The following TRPC4 variants were observed in gnomAD, a reference collection of about 807,000 sequenced individuals.
The protein encoded by TRPC4 is short transient receptor potential channel 4.
In TRPC4, 49 loss-of-function variants were observed where a neutral mutation model predicts 99.4. The observed-to-expected ratio is 0.49, with a 90% CI of 0.39 to 0.63. The LOEUF (loss-of-function observed/expected upper bound fraction) is 0.63, where lower values mean the gene tolerates loss of function less well. Ranked by LOEUF, TRPC4 falls within the 20% of genes least tolerant of loss-of-function variation. The pLI is 0.00. For missense variants in TRPC4, 898 were observed against 1,152.9 expected (o/e 0.78, Z 3.20); for synonymous variants, 454 against 425.9 (o/e 1.07, Z -0.81).
At chr13:37,852,617 A>C (rs1184103339) in intron 1 of TRPC4, among the ~76,000 whole-genome samples, 1 of 152,194 alleles carries the variant, frequency 6.6e-6, no homozygotes, top group Non-Finnish European at 1.5e-5. Context: ...CTTGCACCTT[A>C]GGTACCAGCT....
chr13:37,859,727 A>C (rs1959214072), intron 1 of TRPC4, among the ~76,000 whole-genome samples: 1 of 151,488 alleles, frequency 6.6e-6, no homozygotes, highest in African/African-American at 2.4e-5. Flanking sequence ...TGAAATGTGT[A>C]CTAAAGAGAA....
At chr13:37,807,602 C>A (rs1361887682) in intron 1 of TRPC4, among the ~76,000 whole-genome samples, 1 of 151,978 alleles carries the variant, frequency 6.6e-6, no homozygotes, top group Non-Finnish European at 1.5e-5. Context: ...GTTCCTCTGT[C>A]ACCTCCACCT....
At chr13:37,707,645 A>G (rs1454617918) in intron 3 of TRPC4, among the ~76,000 whole-genome samples, 2 of 152,102 alleles carry the variant, frequency 1.3e-5, no homozygotes, top group Admixed American at 6.6e-5. Context: ...TACCACCACC[A>G]TAACTACTGC....
intron 2 of TRPC4, among the ~76,000 whole-genome samples, chr13:37,757,502 T>C (rs1382637496): frequency 6.6e-6 from 1 of 152,024 alleles, no homozygotes; most frequent in Non-Finnish European, 1.5e-5. Context: ...GGAGAAGTAA[T>C]TGGAAAATTC....
At chr13:37,715,184 A>T (rs914253127) in intron 3 of TRPC4, among the ~76,000 whole-genome samples, 26 of 152,108 alleles carry the variant, frequency 1.7e-4, no homozygotes, top group Non-Finnish European at 4.4e-5. Flanking sequence ...TATTCCTTGT[A>T]TCTTAGGCTG....
At chr13:37,794,920 G>A (rs1271385423) in intron 1 of TRPC4, among the ~76,000 whole-genome samples, 2 of 151,992 alleles carry the variant, frequency 1.3e-5, no homozygotes, top group African/African-American at 4.8e-5. Flanking sequence ...AGTTTCAAAT[G>A]TATTTATTTT....
At chr13:37,789,097 A>T (rs1957046037) in intron 1 of TRPC4, among the ~76,000 whole-genome samples, 1 of 152,078 alleles carries the variant, frequency 6.6e-6, no homozygotes, top group African/African-American at 2.4e-5. Context: ...ATCTCATCAA[A>T]TCACTTTCTT....
intron 2 of TRPC4, among the ~76,000 whole-genome samples, chr13:37,762,737 G>C (rs1272498130): frequency 9.0e-6 from 1 of 110,742 alleles, no homozygotes; most frequent in East Asian, 3.4e-4. Context: ...GGAGGGGGGA[G>C]GGATAGCATT....
intron 3 of TRPC4, among the ~76,000 whole-genome samples, chr13:37,693,119 G>A (rs1953776301): frequency 6.6e-6 from 1 of 151,982 alleles, no homozygotes; most frequent in South Asian, 2.1e-4. Context: ...TGAATATCTG[G>A]TCCAGGATTT....
intron 1 of TRPC4, among the ~76,000 whole-genome samples, chr13:37,868,214 T>C (rs938194884): frequency 3.3e-5 from 5 of 152,118 alleles, no homozygotes; most frequent in African/African-American, 1.2e-4. Context: ...TTAAAGGTTA[T>C]AAGTAATGAA....
chr13:37,809,503 T>TA (rs1290116570), intron 1 of TRPC4, among the ~76,000 whole-genome samples: 1 of 151,124 alleles, frequency 6.6e-6, no homozygotes, highest in East Asian at 1.9e-4. Context: ...TATAAGCTAT[T>TA]AAAAAAATAT....
Position 37,674,285 on chromosome 13 carries a change from A to G in TRPC4, c.1317T>C (p.Phe439=). ...TTGCTAAATATAAGGAGTTCATTACAAAGTCCATTAGATTCCACCAATCAT... is the reference window on the plus strand; with the variant it reads ...TTGCTAAATATAAGGAGTTCATTACGAAGTCCATTAGATTCCACCAATCAT... The part of the protein sequence containing the change: ...YIHDWWNLMD[F]VMNSLYLATI... Residue 439 remains phenylalanine (F), a synonymous_variant, in exon 5 of 11, where the codon TTT becomes TTC. Coordinates refer to ENST00000379705, the MANE Select transcript of TRPC4 (RefSeq NM_016179.4). 2 of 1,606,450 alleles carry G rather than the reference A, an allele frequency of 1.2e-6. No individual in the cohort carries two copies. Among genetic ancestry groups the G allele is most frequent in the South Asian group, 1.1e-5 (1 of 87,068 alleles).
At chr13:37,801,454 T>C (rs1957398754) in intron 1 of TRPC4, among the ~76,000 whole-genome samples, 1 of 152,092 alleles carries the variant, frequency 6.6e-6, no homozygotes, top group Admixed American at 6.6e-5. Flanking sequence ...GTGAGGGCAG[T>C]CGCTTGCATA....
intron 5 of TRPC4, among the ~76,000 whole-genome samples, chr13:37,664,223 T>A (rs936998004): frequency 6.6e-6 from 1 of 152,118 alleles, no homozygotes; most frequent in Non-Finnish European, 1.5e-5. Context: ...TTAAAACATA[T>A]AAAAAGCAAA....
chr13:37,752,751 A>G (rs1336294333), intron 2 of TRPC4, among the ~76,000 whole-genome samples: 1 of 152,052 alleles, frequency 6.6e-6, no homozygotes, highest in Non-Finnish European at 1.5e-5. Context: ...AGCTTATTTC[A>G]GATGTTATGT....
chr13:37,745,035 T>C (rs572816796), intron 3 of TRPC4, among the ~76,000 whole-genome samples: 22 of 152,290 alleles, frequency 1.4e-4, no homozygotes, highest in African/African-American at 5.3e-4. Context: ...TTTTAGTACT[T>C]ACATCTGCTA....
At chr13:37,830,355 A>T (rs1010449703) in intron 1 of TRPC4, among the ~76,000 whole-genome samples, 1 of 152,144 alleles carries the variant, frequency 6.6e-6, no homozygotes, top group African/African-American at 2.4e-5. Flanking sequence ...GGTTAAGTAC[A>T]TGAATGAATA....
At chr13:37,705,495 T>C (rs1294902486) in intron 3 of TRPC4, among the ~76,000 whole-genome samples, 1 of 152,182 alleles carries the variant, frequency 6.6e-6, no homozygotes, top group Non-Finnish European at 1.5e-5. Flanking sequence ...GTTAATTAGC[T>C]CAATTTAGCC....
intron 1 of TRPC4, among the ~76,000 whole-genome samples, chr13:37,799,298 A>T (rs902013815): frequency 1.3e-5 from 2 of 152,168 alleles, no homozygotes; most frequent in Non-Finnish European, 2.9e-5. Flanking sequence ...CTAGCAATGC[A>T]TGTAGAGCCC....
Sources: allele counts gnomAD v4.1 joint callset (sites outside exome capture counted in the v4.1 genomes callset), GRCh38; gene constraint gnomAD v4.1.1; transcripts MANE v1.5; gene names NCBI Gene and HGNC (gene_info 2026-07-23, HGNC 2026-07-21).